Variants in ATP8A2 observed in about 807,000 individuals in gnomAD.
ATP8A2 encodes the protein phospholipid-transporting ATPase IB.
Under a neutral mutation model 165.6 loss-of-function variants are expected in ATP8A2, and 100 were observed. The ratio of observed to expected loss-of-function variants is 0.60; its 90% CI spans 0.51 to 0.71. ATP8A2 has a LOEUF of 0.71. Ranked by LOEUF, ATP8A2 falls within the 30% of genes least tolerant of loss-of-function variation. The pLI is 0.00. For synonymous variants in ATP8A2, 543 were observed against 548.8 expected (o/e 0.99, Z 0.15); for missense variants, 1,227 against 1,479.5 (o/e 0.83, Z 2.80).
At chr13:25,609,516 C>CCAAATATATATATATTTGGGATT (rs1261808275) in intron 24 of ATP8A2, among the ~76,000 whole-genome samples, 1 of 20,230 alleles carries the variant, frequency 4.9e-5, no homozygotes, top group Non-Finnish European at 2.2e-4. Flanking sequence ...ATAAAGGATT[C>CCAAATATATATATATTTGGGATT]CAAATATATA....
At chr13:25,753,491 G>A (rs148760551) in intron 25 of ATP8A2, among the ~76,000 whole-genome samples, 4 of 152,236 alleles carry the variant, frequency 2.6e-5, no homozygotes, top group Middle Eastern at 3.4e-3. Flanking sequence ...ATTCTAGTGC[G>A]GTAGGTCAGT....
intron 1 of ATP8A2, among the ~76,000 whole-genome samples, chr13:25,378,177 G>A (rs1361433845): frequency 6.6e-6 from 1 of 152,024 alleles, no homozygotes; most frequent in Non-Finnish European, 1.5e-5. Context: ...GTGGGGGAGG[G>A]TTACTGGGCC....
chr13:25,529,135 T>C (rs2137895906), intron 2 of ATP8A2, among the ~76,000 whole-genome samples: 1 of 152,230 alleles, frequency 6.6e-6, no homozygotes, highest in South Asian at 2.1e-4. Context: ...CTGGATAATC[T>C]TGCTAGAATA....
intron 30 of ATP8A2, among the ~76,000 whole-genome samples, chr13:25,859,070 G>T (rs1952258703): frequency 6.6e-6 from 1 of 152,042 alleles, no homozygotes; most frequent in Non-Finnish European, 1.5e-5. Flanking sequence ...AGGCATGGTG[G>T]CGGGCACCTG....
chr13:25,563,332 A>G (rs1468402555), intron 15 of ATP8A2, among the ~76,000 whole-genome samples: 1 of 151,864 alleles, frequency 6.6e-6, no homozygotes, highest in Non-Finnish European at 1.5e-5. Context: ...TTGCTTGAAC[A>G]TGCCAGGCGG....
intron 24 of ATP8A2, among the ~76,000 whole-genome samples, chr13:25,686,140 T>C (rs1370587161): frequency 6.6e-6 from 1 of 152,168 alleles, no homozygotes; most frequent in Non-Finnish European, 1.5e-5. Flanking sequence ...AACTATTCCA[T>C]GCAGGGCCAT....
At chr13:25,977,026 T>TCCACCCCCCACCC (rs1555299943) in intron 35 of ATP8A2, among the ~76,000 whole-genome samples, 2 of 125,368 alleles carry the variant, frequency 1.6e-5, no homozygotes, top group African/African-American at 6.4e-5. Flanking sequence ...GACCTTGTGA[T>TCCACCCCCCACCC]CCACCCCCAC....
intron 24 of ATP8A2, among the ~76,000 whole-genome samples, chr13:25,603,213 C>T (rs1286581222): frequency 6.6e-6 from 1 of 152,070 alleles, no homozygotes; most frequent in Non-Finnish European, 1.5e-5. Flanking sequence ...CTTGGCTAGG[C>T]ACGGTGGCTC....
intron 24 of ATP8A2, among the ~76,000 whole-genome samples, chr13:25,692,308 C>T (rs1471604494): frequency 2.6e-5 from 4 of 152,160 alleles, no homozygotes; most frequent in African/African-American, 9.7e-5. Flanking sequence ...GAACCATCTG[C>T]TTTGGGCATG....
chr13:25,470,617 C>T (rs974656650), intron 2 of ATP8A2, among the ~76,000 whole-genome samples: 5 of 152,056 alleles, frequency 3.3e-5, no homozygotes, highest in African/African-American at 9.7e-5. Context: ...GTAATCTGCC[C>T]GAGAGAAATG....
intron 33 of ATP8A2, among the ~76,000 whole-genome samples, chr13:25,919,700 T>G (rs1451142150): frequency 6.6e-6 from 1 of 152,186 alleles, no homozygotes; most frequent in Middle Eastern, 3.2e-3. Context: ...AGTCGGCAGC[T>G]GGCTTTTAAT....
At chr13:25,673,012 T>TG (rs2042299218) in intron 24 of ATP8A2, among the ~76,000 whole-genome samples, 1 of 152,144 alleles carries the variant, frequency 6.6e-6, no homozygotes, top group South Asian at 2.1e-4. Context: ...TCAGCTTGTA[T>TG]TTTTTAGGGT....
At chr13:25,987,291 T>G (rs990402935) in intron 35 of ATP8A2, among the ~76,000 whole-genome samples, 9 of 152,224 alleles carry the variant, frequency 5.9e-5, no homozygotes, top group Non-Finnish European at 1.0e-4. Flanking sequence ...AGCCTCACTT[T>G]GTGGAGCCCA....
At chr13:25,816,876 T>C (rs757102151) in intron 27 of ATP8A2, among the ~76,000 whole-genome samples, 18 of 152,150 alleles carry the variant, frequency 1.2e-4, no homozygotes, top group Non-Finnish European at 2.5e-4. Flanking sequence ...GCATCAGAAT[T>C]CTCTTCTGAT....
chr13:25,891,007 T>TGCTC (rs1157710351), intron 33 of ATP8A2, among the ~76,000 whole-genome samples: 1 of 152,152 alleles, frequency 6.6e-6, no homozygotes, highest in African/African-American at 2.4e-5. Flanking sequence ...GGACCACGAG[T>TGCTC]GCTCTGTCAA....
At chr13:25,512,727 C>T (rs111315061) in intron 2 of ATP8A2, among the ~76,000 whole-genome samples, 3,737 of 131,148 alleles carry the variant, frequency 0.028, 65 homozygotes, top group Non-Finnish European at 0.046. Context: ...GCTGGCCGGG[C>T]GGGGGGCTGA....
intron 33 of ATP8A2, among the ~76,000 whole-genome samples, chr13:25,961,373 G>T (rs1466093191): frequency 6.6e-6 from 1 of 152,228 alleles, no homozygotes; most frequent in African/African-American, 2.4e-5. Context: ...CTAGAAGAAT[G>T]AAAGTAAGAA....
At chr13:25,767,976 C>T (rs1313140656) in intron 25 of ATP8A2, among the ~76,000 whole-genome samples, 1 of 150,200 alleles carries the variant, frequency 6.7e-6, no homozygotes, top group Non-Finnish European at 1.5e-5. Context: ...AGTGTCCATT[C>T]TAGCTGATGC....
intron 11 of ATP8A2, among the ~76,000 whole-genome samples, chr13:25,552,970 G>A (rs184322964): frequency 1.2e-4 from 18 of 152,114 alleles, no homozygotes; most frequent in African/African-American, 3.1e-4. Context: ...ATGGTTTGGA[G>A]CCATTACAAA....
Sources: gnomAD v4.1 joint callset for allele counts (sites outside exome capture counted in the v4.1 genomes callset) on GRCh38, gnomAD v4.1.1 for gene constraint, MANE v1.5 for transcripts, NCBI Gene and HGNC (gene_info 2026-07-23, HGNC 2026-07-21) for gene names.